The following DPH6 variants were observed in gnomAD, a reference collection of about 807,000 sequenced individuals.
DPH6 encodes the protein diphthine--ammonia ligase.
DPH6 carries 33 observed loss-of-function variants against 38.2 expected under a neutral mutation model. The ratio of observed to expected loss-of-function variants is 0.86; its 90% CI spans 0.65 to 1.15. The LOEUF (loss-of-function observed/expected upper bound fraction) is 1.15. Ranked by LOEUF, DPH6 falls within the 50% of genes most tolerant of loss-of-function variation. DPH6 has a pLI of 0.00. For missense variants in DPH6, 325 were observed against 320.0 expected (o/e 1.02, Z -0.12); for synonymous variants, 108 against 103.0 (o/e 1.05, Z -0.30).
chr15:35,210,265 C>T, the DPH6 span, among the ~76,000 whole-genome samples: 1 of 152,108 alleles, frequency 6.6e-6, no homozygotes, highest in East Asian at 1.9e-4. Context: ...CTTAACTGGA[C>T]AAATGGTGAT....
At chr15:35,521,723 A>G in intron 3 of DPH6, 1 of 1,231,492 alleles carries the variant, frequency 8.1e-7, no homozygotes, top group Non-Finnish European at 1.0e-6. Context: ...AGTCAACTTT[A>G]ATTTATGCAA....
chr15:35,545,801 T>C (rs1407986886), intron 1 of DPH6, among the ~76,000 whole-genome samples: 1 of 151,460 alleles, frequency 6.6e-6, no homozygotes. Context: ...CGCACAGAAG[T>C]AATTAAACCA....
At chr15:35,296,166 CCT>C (rs1015934211) in intron 3 of DPH6, among the ~76,000 whole-genome samples, 16 of 152,126 alleles carry the variant, frequency 1.1e-4, no homozygotes, top group Admixed American at 4.6e-4. Flanking sequence ...GTCTCGATCC[CCT>C]GACCTCTTGA....
In DPH6 at chr15:35,273,142, T is replaced by TA. The variant is rs112369379; in HGVS notation, n.201-52561dup. Among the ~76,000 whole-genome samples, 624 of 147,864 alleles carry TA rather than the reference T, an allele frequency of 4.2e-3. 8 individuals are homozygous for TA. The highest frequency in any genetic ancestry group is 0.013 in the African/African-American group (518 of 40,514). ...ACAGCCTAAGGTATTTCTTTAAAAT[T>TA]AAAAAAAAAAAATTTAATTTCCATA... is the stretch of plus-strand genomic sequence containing the variant. On this transcript the variant is annotated intron_variant and non_coding_transcript_variant, in intron 3 of 3. Transcript: ENST00000560386.
intron 3 of DPH6, among the ~76,000 whole-genome samples, chr15:35,353,338 A>T (rs2052532117): frequency 6.6e-6 from 1 of 152,128 alleles, no homozygotes; most frequent in Non-Finnish European, 1.5e-5. Flanking sequence ...GGTGTTTTAG[A>T]CATGAAGTCC....
At chr15:35,478,333 G>C (rs2054285357) in intron 3 of DPH6, among the ~76,000 whole-genome samples, 2 of 146,852 alleles carry the variant, frequency 1.4e-5, no homozygotes, top group East Asian at 4.0e-4. Context: ...GAAAACACTA[G>C]GAATACTTTA....
chr15:35,409,135 G>A (rs1323167093), intron 6 of DPH6, among the ~76,000 whole-genome samples: 2 of 151,850 alleles, frequency 1.3e-5, no homozygotes, highest in Admixed American at 6.6e-5. Context: ...ACTTCTCCCA[G>A]TTACAGTAAG....
chr15:35,470,169 A>C (rs1430107767), intron 3 of DPH6, among the ~76,000 whole-genome samples: 2 of 152,192 alleles, frequency 1.3e-5, no homozygotes, highest in African/African-American at 2.4e-5. Flanking sequence ...CTACACTTCC[A>C]GCCTGGGTGA....
intron 3 of DPH6, among the ~76,000 whole-genome samples, chr15:35,249,815 T>G (rs1313956197): frequency 6.6e-6 from 1 of 152,208 alleles, no homozygotes; most frequent in Non-Finnish European, 1.5e-5. Flanking sequence ...ATTAAAATAC[T>G]TATAAGCACA....
chr15:35,260,298 G>A (rs2051737792), intron 3 of DPH6, among the ~76,000 whole-genome samples: 1 of 151,964 alleles, frequency 6.6e-6, no homozygotes, highest in African/African-American at 2.4e-5. Context: ...AGTAGAGACA[G>A]GGTTTCACCA....
intron 3 of DPH6, among the ~76,000 whole-genome samples, chr15:35,460,043 C>T (rs547588697): frequency 6.6e-6 from 1 of 152,306 alleles, no homozygotes; most frequent in African/African-American, 2.4e-5. Flanking sequence ...CACAGCTGTG[C>T]TCTTTCTTAC....
At chr15:35,449,373 A>G (rs2053899861) in intron 5 of DPH6, among the ~76,000 whole-genome samples, 1 of 152,062 alleles carries the variant, frequency 6.6e-6, no homozygotes, top group African/African-American at 2.4e-5. Flanking sequence ...AGAACACACA[A>G]TATCGGTTAT....
At chr15:35,494,062 TCTTA>T (rs1337248679) in intron 3 of DPH6, among the ~76,000 whole-genome samples, 2 of 152,148 alleles carry the variant, frequency 1.3e-5, no homozygotes, top group African/African-American at 4.8e-5. Flanking sequence ...TCTTTCTGTA[TCTTA>T]CTTAGTCTCC....
chr15:35,444,885 C>T (rs1409879057), intron 5 of DPH6, among the ~76,000 whole-genome samples: 1 of 82,908 alleles, frequency 1.2e-5, no homozygotes, highest in Non-Finnish European at 3.8e-5. Flanking sequence ...GTCCTCAAGA[C>T]CATTACTAAA....
At chr15:35,145,383 G>A in the DPH6 span, among the ~76,000 whole-genome samples, 1 of 152,262 alleles carries the variant, frequency 6.6e-6, no homozygotes, top group African/African-American at 2.4e-5. Context: ...TACATGTGAA[G>A]CAACTGTCCT....
At chr15:35,258,263 G>A (rs927346546) in intron 3 of DPH6, among the ~76,000 whole-genome samples, 1 of 152,166 alleles carries the variant, frequency 6.6e-6, no homozygotes, top group Non-Finnish European at 1.5e-5. Flanking sequence ...ACAAGGAATA[G>A]CCTAGAACTG....
intron 3 of DPH6, among the ~76,000 whole-genome samples, chr15:35,255,609 T>C (rs2051702760): frequency 6.6e-6 from 1 of 152,208 alleles, no homozygotes; most frequent in Non-Finnish European, 1.5e-5. Flanking sequence ...CTCCAGCCAC[T>C]AGAAGTTGCT....
chr15:35,308,484 G>C (rs1408120305), intron 3 of DPH6, among the ~76,000 whole-genome samples: 1 of 152,038 alleles, frequency 6.6e-6, no homozygotes, highest in Non-Finnish European at 1.5e-5. Context: ...GAGGGGTGGG[G>C]AAGACCTGAG....
At chr15:35,491,715 AT>A (rs1278229776) in intron 3 of DPH6, among the ~76,000 whole-genome samples, 24 of 82,510 alleles carry the variant, frequency 2.9e-4, no homozygotes, top group Non-Finnish European at 8.2e-4. Context: ...ATCTTTATAT[AT>A]GTAGATGTAT....
Sources: allele counts gnomAD v4.1 joint callset (sites outside exome capture counted in the v4.1 genomes callset), GRCh38; gene constraint gnomAD v4.1.1; transcripts MANE v1.5; gene names NCBI Gene and HGNC (gene_info 2026-07-23, HGNC 2026-07-21).